Variants in IGSF11 observed in about 807,000 individuals in gnomAD.
IGSF11 encodes CXADR like 1.
IGSF11 carries 22 observed loss-of-function variants against 41.0 expected under a neutral mutation model. That is an observed-to-expected ratio of 0.54 (90% confidence interval 0.38 to 0.77). The LOEUF is 0.77. Among genes scored for constraint, IGSF11 ranks in the 30% least tolerant of loss-of-function variants. The probability of loss-of-function intolerance (pLI) is 0.00; values close to 1 mark genes in which losing one functional copy is unlikely to be tolerated. For missense variants in IGSF11, 444 were observed against 530.8 expected, an observed-to-expected ratio of 0.84 and a Z score of 1.61; for synonymous variants, 219 against 201.3, an observed-to-expected ratio of 1.09 and a Z score of -0.74.
chr3:119,014,418 A>G (rs151073997), intron 1 of IGSF11, among the ~76,000 whole-genome samples: 2 of 152,340 alleles, frequency 1.3e-5, no homozygotes, highest in Non-Finnish European at 2.9e-5. Context: ...CTATTTATAC[A>G]TAGTGCATAA....
intron 1 of IGSF11, among the ~76,000 whole-genome samples, chr3:119,016,840 T>C (rs1179155373): frequency 2.6e-5 from 4 of 152,162 alleles, no homozygotes; most frequent in African/African-American, 9.7e-5. Context: ...GACTCACTTA[T>C]AGTTCCTACC....
At chr3:119,137,910 C>T (rs1008261094) in intron 1 of IGSF11, among the ~76,000 whole-genome samples, 7 of 152,118 alleles carry the variant, frequency 4.6e-5, no homozygotes, top group Non-Finnish European at 2.9e-5. Context: ...TCCAAATACA[C>T]ATTTCTCAAA....
At chr3:118,935,759 C>T (rs1360955783) in intron 1 of IGSF11, among the ~76,000 whole-genome samples, 3 of 151,906 alleles carry the variant, frequency 2.0e-5, no homozygotes, top group African/African-American at 7.3e-5. Flanking sequence ...AAGTTGAAGC[C>T]GGATATCTAG....
chr3:118,998,967 A>G (rs1360019518), intron 1 of IGSF11, among the ~76,000 whole-genome samples: 1 of 152,134 alleles, frequency 6.6e-6, no homozygotes, highest in Non-Finnish European at 1.5e-5. Context: ...ACATCCATAC[A>G]ATGAAATGTT....
chr3:118,930,310 C>A, intron 1 of IGSF11, 35 bp from the exon 2 acceptor site: 2 of 1,582,586 alleles, frequency 1.3e-6, no homozygotes, highest in Admixed American at 1.8e-5. Flanking sequence ...TATATGCTCG[C>A]CCTTTCCCAA....
intron 1 of IGSF11, among the ~76,000 whole-genome samples, chr3:119,054,850 C>A (rs572415390): frequency 6.6e-6 from 1 of 152,302 alleles, no homozygotes; most frequent in Admixed American, 6.5e-5. Flanking sequence ...CAGCACACAG[C>A]TTGAGATCTG....
upstream of IGSF11, among the ~76,000 whole-genome samples, chr3:119,035,190 AGCAAT>A (rs1940833880): frequency 2.6e-5 from 4 of 152,232 alleles, no homozygotes; most frequent in South Asian, 8.3e-4. Context: ...GGAGAGCTCT[AGCAAT>A]GACTTTTCCA....
At chr3:119,123,657 A>T (rs12493755) in intron 1 of IGSF11, among the ~76,000 whole-genome samples, 11,404 of 152,228 alleles carry the variant, frequency 0.075, 562 homozygotes, top group Admixed American at 0.16. Flanking sequence ...GAAGCTCAGC[A>T]CAGAGAGAGA....
chr3:118,911,077 A>T (rs1940211855), intron 4 of IGSF11, among the ~76,000 whole-genome samples: 1 of 151,880 alleles, frequency 6.6e-6, no homozygotes, highest in Non-Finnish European at 1.5e-5. Flanking sequence ...CCAACACTCA[A>T]CTCTGAAGCA....
intron 1 of IGSF11, among the ~76,000 whole-genome samples, chr3:118,968,981 A>C (rs552537482): frequency 6.6e-6 from 1 of 152,354 alleles, no homozygotes; most frequent in South Asian, 2.1e-4. Context: ...TAATGTAAAT[A>C]GCAATGGCTT....
chr3:119,073,265 A>T (rs1266076607), intron 1 of IGSF11, among the ~76,000 whole-genome samples: 1 of 152,140 alleles, frequency 6.6e-6, no homozygotes, highest in African/African-American at 2.4e-5. Flanking sequence ...TGATTGGTGG[A>T]TTTACAATCC....
At chr3:119,143,241 T>C (rs1223239487) in intron 1 of IGSF11, among the ~76,000 whole-genome samples, 1 of 152,204 alleles carries the variant, frequency 6.6e-6, no homozygotes, top group East Asian at 1.9e-4. Context: ...ATTTAAATGA[T>C]GGATGTACAA....
chr3:119,043,990 G>A (rs1319343611), intron 1 of IGSF11, among the ~76,000 whole-genome samples: 1 of 152,092 alleles, frequency 6.6e-6, no homozygotes, highest in Non-Finnish European at 1.5e-5. Context: ...CTGATAATAT[G>A]ACAAAACAAG....
At chr3:118,949,696 A>G (rs1291257933) in intron 1 of IGSF11, among the ~76,000 whole-genome samples, 1 of 152,222 alleles carries the variant, frequency 6.6e-6, no homozygotes, top group Non-Finnish European at 1.5e-5. Flanking sequence ...ACACAAAATA[A>G]GGAACGGAGT....
intron 1 of IGSF11, among the ~76,000 whole-genome samples, chr3:118,991,094 G>T (rs1935751479): frequency 6.6e-6 from 1 of 152,118 alleles, no homozygotes; most frequent in African/African-American, 2.4e-5. Flanking sequence ...ACAGGCTTAG[G>T]GAGCCCATAA....
chr3:118,926,153 G>A lies in IGSF11; in HGVS notation c.528C>T (p.Tyr176=), dbSNP rs773071964. ...GGGTATTGTCTAACTTCTCCCAAAG[G>A]TAAGTTGGTCGAGGAATGCCTTCCT... is the stretch of plus-strand genomic sequence containing the variant. ...SSEEGIPRPT[Y]LWEKLDNTLK... is the part of the protein sequence containing the mutation. The change falls in exon 4 of 7, where the codon TAC becomes TAT. Residue 176 remains tyrosine, a synonymous_variant. Coordinates refer to ENST00000393775, the MANE Select transcript of IGSF11 (RefSeq NM_001015887.3). 1.2e-6 allele frequency: 2 copies of A among 1,612,156 alleles called. No individual in the cohort carries two copies. Among genetic ancestry groups the A allele is most frequent in the African/African-American group, 1.3e-5 (1 of 74,962 alleles).
chr3:118,905,453 T>C, intron 5 of IGSF11, 143 bp downstream of exon 5: 1 of 868,364 alleles, frequency 1.2e-6, no homozygotes, highest in Non-Finnish European at 1.8e-6. Context: ...TAAACAATTT[T>C]CAATAATAAT....
At chr3:119,045,845 C>T (rs1327110820) in intron 1 of IGSF11, among the ~76,000 whole-genome samples, 12 of 152,028 alleles carry the variant, frequency 7.9e-5, no homozygotes, top group South Asian at 4.2e-4. Context: ...CCCTGACCCC[C>T]GAGCAGCCTA....
chr3:119,060,385 A>C (rs1451685165), intron 1 of IGSF11, among the ~76,000 whole-genome samples: 1 of 152,198 alleles, frequency 6.6e-6, no homozygotes, highest in African/African-American at 2.4e-5. Context: ...CCTGAGAAGA[A>C]CCATAAGATT....
Sources: gnomAD v4.1 joint callset for allele counts (sites outside exome capture counted in the v4.1 genomes callset) on GRCh38, gnomAD v4.1.1 for gene constraint, MANE v1.5 for transcripts, NCBI Gene and HGNC (gene_info 2026-07-23, HGNC 2026-07-21) for gene names.